The following FAN1 variants were observed in gnomAD, a reference collection of about 807,000 sequenced individuals.
FAN1 encodes fanconi-associated nuclease 1.
A neutral mutation model predicts 104.9 loss-of-function variants in FAN1; 91 were observed. The observed-to-expected ratio is 0.87, with a 90% CI of 0.73 to 1.03. The LOEUF is 1.03. FAN1 is among the 50% of genes least tolerant of loss of function. The pLI is 0.00. For missense variants in FAN1, 1,263 were observed against 1,239.9 expected, an observed-to-expected ratio of 1.02 and a Z score of -0.28; for synonymous variants, 478 against 457.6, an observed-to-expected ratio of 1.04 and a Z score of -0.57.
chr15:30,924,995 A>G (rs1248514149), intron 8 of FAN1, 132 bp from the exon 9 acceptor site: 5 of 878,804 alleles, frequency 5.7e-6, no homozygotes, highest in Non-Finnish European at 8.6e-6. Context: ...CTAAATCTCT[A>G]GAAGTGCTGT....
At chr15:30,928,798 T>G (rs993957751) in intron 11 of FAN1, 142 bp downstream of exon 11, 4 of 1,471,918 alleles carry the variant, frequency 2.7e-6, no homozygotes, top group Non-Finnish European at 3.6e-6. Context: ...AGATGATAAC[T>G]TATTTTAAAA....
At position 30,925,226 on chromosome 15, in the gene FAN1, A is replaced by G. The variant is rs753523657; in HGVS notation, c.2272A>G (p.Ser758Gly). 2 of 1,614,086 alleles carry G rather than the reference A, an allele frequency of 1.2e-6. No homozygotes were observed. The highest frequency in any genetic ancestry group is 1.7e-6 in the Non-Finnish European group (2 of 1,180,022). Residue 758 changes from serine to glycine, a missense_variant, in exon 9 of 15, where the codon AGC becomes GGC. By Grantham distance (56) the Ser-to-Gly change is moderately conservative. Around this residue, in one of 2 missense-constraint regions of FAN1, gnomAD observed 581 missense variants for 668.8 expected, o/e 0.87. Transcript: ENST00000362065. ...QRAVRLRESPSCKKFKHLFQQ... is the reference protein window; with the variant it reads ...QRAVRLRESPGCKKFKHLFQQ... ...AGCCGTGCGCCTGCGAGAGTCTCCG[A>G]GCTGTAAAAAGTTCAAGCACCTCTT...
At position 30,905,146 on chromosome 15, in the gene FAN1, A is replaced by G. The variant is rs1372400128; in HGVS notation, c.483A>G (p.Arg161=). ...GAAGCCTAGCATCTAAATTGTCCAGAAAATACGTAAAGGCTAAAAAATCAA... is the reference window on the plus strand; with the variant it reads ...GAAGCCTAGCATCTAAATTGTCCAGGAAATACGTAAAGGCTAAAAAATCAA... The part of the protein sequence containing the change: ...CLGSLASKLS[R]KYVKAKKSID... The change falls in exon 2 of 15, where the codon AGA becomes AGG. Residue 161 remains arginine (R), a synonymous_variant. Transcript: ENST00000362065. 6 of 1,613,858 alleles carry G rather than the reference A, an allele frequency of 3.7e-6. No homozygotes were observed. The highest frequency in any genetic ancestry group is 4.2e-6 in the Non-Finnish European group (5 of 1,180,036).
At chr15:30,924,236 T>C (rs1344920059) in intron 8 of FAN1, among the ~76,000 whole-genome samples, 2 of 152,234 alleles carry the variant, frequency 1.3e-5, no homozygotes, top group African/African-American at 4.8e-5. Flanking sequence ...CACATTTTTC[T>C]AGCCACTCAT....
intron 6 of FAN1, 141 bp from the exon 7 acceptor site, chr15:30,920,404 G>A (rs1399999201): frequency 1.8e-5 from 11 of 621,456 alleles, no homozygotes; most frequent in East Asian, 1.8e-4. Context: ...GGTTTGTGGT[G>A]TAGAAAATTG....
At chr15:30,932,639 T>C (rs1250513110) in intron 13 of FAN1, among the ~76,000 whole-genome samples, 4 of 152,142 alleles carry the variant, frequency 2.6e-5, no homozygotes. Flanking sequence ...GATTGCGCTT[T>C]GCTAGTTTGT....
intron 8 of FAN1, among the ~76,000 whole-genome samples, chr15:30,923,920 A>G (rs2062396007): frequency 1.3e-5 from 2 of 152,196 alleles, no homozygotes; most frequent in Admixed American, 1.3e-4. Context: ...CATGGTACTC[A>G]TAGTGTTGTG....
rs769030646 is a variant in FAN1, at chr15:30,904,951, T to G, written c.288T>G (p.Asp96Glu). 6.2e-7 allele frequency: 1 copy of G among 1,613,938 alleles called. No individual in the cohort carries two copies. The highest frequency in any genetic ancestry group is 8.5e-7 in the Non-Finnish European group (1 of 1,179,918). ...ATTTAACCAGTGTTACCTTAGAAGA[T>G]GTAACACCTAAGAAGTCACCACCAC... is the stretch of plus-strand genomic sequence containing the variant. ...MVDLTSVTLEDVTPKKSPPPK... is the reference protein window; with the variant it reads ...MVDLTSVTLEEVTPKKSPPPK... The change falls in exon 2 of 15, where the codon GAT becomes GAG. Residue 96 changes from aspartate (D) to glutamate (E), a missense_variant. Transcript: ENST00000362065.
At position 30,910,636 on chromosome 15, in the gene FAN1, T is replaced by C; in HGVS notation, c.1398T>C (p.Ser466=). The part of the protein sequence containing the change: ...LQTESELQEL[S]EVLELLSAPE... ...CAGAATCTGAGTTGCAAGAACTCTC[T>C]GAAGTGCTTGAACTCCTTTCTGCTC... is the stretch of plus-strand genomic sequence containing the variant. The change falls in exon 4 of 15, where the codon TCT becomes TCC. Residue 466 remains serine (S), a synonymous_variant. Transcript: ENST00000362065. 6.2e-7 allele frequency: 1 copy of C among 1,609,364 alleles called. No homozygotes were observed. Among genetic ancestry groups the C allele is most frequent in the African/African-American group, 1.3e-5 (1 of 74,948 alleles).
At chr15:30,938,377 G>T (rs1474715128) in intron 14 of FAN1, among the ~76,000 whole-genome samples, 1 of 152,172 alleles carries the variant, frequency 6.6e-6, no homozygotes, top group East Asian at 1.9e-4. Context: ...ACATTCTCAT[G>T]AAGTTGTGTT....
intron 2 of FAN1, among the ~76,000 whole-genome samples, chr15:30,906,846 A>G (rs2140900794): frequency 6.6e-6 from 1 of 152,308 alleles, no homozygotes; most frequent in East Asian, 1.9e-4. Context: ...TGGACATAAT[A>G]GCACATTGGC....
Position 30,936,948 on chromosome 15 carries a change from A to G in FAN1, c.2917-171A>G, listed in dbSNP as rs369608570. 7.9e-5 allele frequency among the ~76,000 whole-genome samples: 12 copies of G among 152,312 alleles called. No homozygotes were observed. In the South Asian group the frequency reaches 1.7e-3, roughly 21 times the overall value. On this transcript the variant is annotated intron_variant, in intron 13 of 14. Transcript: ENST00000362065. ...CACCATTTTTAAGTCAAAAAATCCT[A>G]AGGTGAACCATTGTAAGTGAAGGAC... is the stretch of plus-strand genomic sequence containing the variant.
intron 14 of FAN1, chr15:30,940,017 T>G (rs1027434467): frequency 4.1e-6 from 4 of 975,506 alleles, no homozygotes; most frequent in Admixed American, 6.2e-5. Flanking sequence ...AAACAGCTAT[T>G]CAGTACATAT....
rs1459722408 is a variant in FAN1, at chr15:30,929,850, T to TATA, written c.2787+454_2787+456dup. ...CATATATAATATAATATATAAAATA[T>TATA]ATATCATATATAATATATATAAAAT... is the stretch of plus-strand genomic sequence containing the variant. On this transcript the variant is annotated intron_variant, in intron 12 of 14. Transcript: ENST00000362065. 3.3e-4 allele frequency among the ~76,000 whole-genome samples: 27 copies of TATA among 81,484 alleles called. 4 individuals are homozygous for TATA. Among genetic ancestry groups the TATA allele is most frequent in the African/African-American group, 1.7e-3 (26 of 15,528 alleles). 53.5% of individuals were successfully genotyped at this position (81,484 alleles called of 152,430 possible).
chr15:30,910,168 G>A (rs894803865), intron 3 of FAN1, among the ~76,000 whole-genome samples: 1 of 152,260 alleles, frequency 6.6e-6, no homozygotes, highest in African/African-American at 2.4e-5. Context: ...TGGTGTCGGG[G>A]CCCACAGTAG....
chr15:30,931,251 T>TCCACTAGCCCAGCCCTGCTGC (rs539875299), intron 13 of FAN1, among the ~76,000 whole-genome samples: 295 of 152,318 alleles, frequency 1.9e-3, no homozygotes, highest in African/African-American at 6.7e-3. Context: ...TTGAACGCTG[T>TCCACTAGCCCAGCCCTGCTGC]CCACTAGCCC....
chr15:30,933,018 C>A (rs1452473826), intron 13 of FAN1, among the ~76,000 whole-genome samples: 3 of 152,020 alleles, frequency 2.0e-5, no homozygotes, highest in Admixed American at 1.3e-4. Context: ...CCGCACACGG[C>A]CATGTATTTC....
At chr15:30,940,621 TCTACA>T in intron 14 of FAN1, 3 of 985,670 alleles carry the variant, frequency 3.0e-6, no homozygotes, top group Non-Finnish European at 3.6e-6. Flanking sequence ...CACTCTCCTG[TCTACA>T]GCATACACCT....
intron 10 of FAN1, 40 bp downstream of exon 10, chr15:30,925,979 G>C (rs1469242178): frequency 1.2e-6 from 2 of 1,607,766 alleles, no homozygotes; most frequent in Non-Finnish European, 1.7e-6. Context: ...CCAGCCCCGG[G>C]TGGACGAGCA....
Sources: gnomAD v4.1 joint callset for allele counts (sites outside exome capture counted in the v4.1 genomes callset) on GRCh38, gnomAD v4.1.1 for gene constraint, gnomAD v4.1.1 regional missense constraint, MANE v1.5 for transcripts, NCBI Gene and HGNC (gene_info 2026-07-23, HGNC 2026-07-21) for gene names.